Variants in RPTOR observed in about 807,000 individuals in gnomAD.
RPTOR encodes the protein regulatory-associated protein of mTOR.
Under a neutral mutation model 169.9 loss-of-function variants are expected in RPTOR, and 21 were observed. That is an observed-to-expected ratio of 0.12 (90% CI 0.09 to 0.18). The LOEUF is 0.18. RPTOR is among the 10% of genes least tolerant of loss of function. The pLI is 1.00. For synonymous variants in RPTOR, 732 were observed against 753.2 expected (o/e 0.97, Z 0.46); for missense variants, 1,133 against 1,855.9 (o/e 0.61, Z 7.16).
intron 3 of RPTOR, among the ~76,000 whole-genome samples, chr17:80,653,064 A>T (rs1359305087): frequency 6.6e-6 from 1 of 152,022 alleles, no homozygotes; most frequent in East Asian, 1.9e-4. Flanking sequence ...TCCTTTGTCC[A>T]TTTTTTAGTT....
intron 1 of RPTOR, among the ~76,000 whole-genome samples, chr17:80,615,053 T>C (rs1019936086): frequency 6.6e-6 from 1 of 152,226 alleles, no homozygotes; most frequent in East Asian, 1.9e-4. Flanking sequence ...TAAGCCATCA[T>C]TCTTACGTAG....
At chr17:80,669,739 C>G (rs899797773) in intron 3 of RPTOR, among the ~76,000 whole-genome samples, 1 of 152,262 alleles carries the variant, frequency 6.6e-6, no homozygotes. Context: ...CTGGTGACCC[C>G]CAGACCTCTC....
intron 6 of RPTOR, among the ~76,000 whole-genome samples, chr17:80,784,058 C>A (rs906798100): frequency 1.3e-4 from 20 of 152,214 alleles, no homozygotes; most frequent in African/African-American, 4.6e-4. Flanking sequence ...CTCACTGCAG[C>A]CTTAACCTCC....
chr17:80,961,016 C>T (rs1267527945), intron 30 of RPTOR: 1 of 273,602 alleles, frequency 3.7e-6, no homozygotes, highest in East Asian at 7.2e-5. Flanking sequence ...CCAGTCTGCA[C>T]AGATCGGGGA....
chr17:80,791,655 G>T, intron 7 of RPTOR, 146 bp downstream of exon 7: 1 of 701,134 alleles, frequency 1.4e-6, no homozygotes, highest in Non-Finnish European at 2.3e-6. Context: ...TCTGATTAAG[G>T]CTGTGTTTGT....
chr17:80,957,606 C>A lies in RPTOR; in HGVS notation c.3371-18C>A. ...AAGGGCCCATGGGGTGATGCCATGT[C>A]CCACTGTATCTCTCCAGGAGCTGGG... On this transcript the variant is annotated intron_variant, in intron 28 of 33. Transcript: ENST00000306801. This position sits in a 1 kb window ranked among gnomAD's most constrained non-coding sequence, Gnocchi z 4.6. 1 of 1,610,240 alleles carries A rather than the reference C, an allele frequency of 6.2e-7. No individual in the cohort carries two copies. The highest frequency in any genetic ancestry group is 8.5e-7 in the Non-Finnish European group (1 of 1,176,542).
At chr17:80,832,829 G>A (rs1404896543) in intron 9 of RPTOR, among the ~76,000 whole-genome samples, 3 of 152,178 alleles carry the variant, frequency 2.0e-5, no homozygotes, top group East Asian at 1.9e-4. Flanking sequence ...AATAAATAAT[G>A]TACAATCTAG....
At chr17:80,572,968 A>G (rs527557279) in intron 1 of RPTOR, among the ~76,000 whole-genome samples, 2 of 152,200 alleles carry the variant, frequency 1.3e-5, no homozygotes, top group South Asian at 2.1e-4. Context: ...TAAGTTTTGT[A>G]TAAACTTTGT....
chr17:80,890,476 G>A (rs922816980), intron 17 of RPTOR, among the ~76,000 whole-genome samples: 1 of 152,068 alleles, frequency 6.6e-6, no homozygotes, highest in Non-Finnish European at 1.5e-5. Context: ...CGCCAGAACC[G>A]GGGCGTGGGC....
intron 6 of RPTOR, among the ~76,000 whole-genome samples, chr17:80,782,661 G>C (rs182042809): frequency 3.9e-5 from 6 of 152,264 alleles, no homozygotes; most frequent in Admixed American, 2.6e-4. Flanking sequence ...TACTGAATTA[G>C]AACCGAGCAG....
intron 10 of RPTOR, among the ~76,000 whole-genome samples, chr17:80,840,974 T>C (rs1430390385): frequency 2.9e-5 from 1 of 34,544 alleles, no homozygotes; most frequent in African/African-American, 2.7e-4. Flanking sequence ...GCACGGCAGC[T>C]CACATTCACC....
chr17:80,769,955 C>T (rs572532566), intron 6 of RPTOR, among the ~76,000 whole-genome samples: 21 of 152,214 alleles, frequency 1.4e-4, no homozygotes, highest in Admixed American at 7.8e-4. Flanking sequence ...GCCAGTCACA[C>T]GGGGGTCTCC....
intron 20 of RPTOR, among the ~76,000 whole-genome samples, chr17:80,904,181 G>T (rs985155688): frequency 7.2e-5 from 11 of 152,216 alleles, no homozygotes; most frequent in Non-Finnish European, 1.5e-4. Flanking sequence ...CGTGATTCTC[G>T]TAACAGCCAC....
chr17:80,924,923 C>T (rs2068792819), intron 23 of RPTOR, among the ~76,000 whole-genome samples: 1 of 152,246 alleles, frequency 6.6e-6, no homozygotes, highest in Non-Finnish European at 1.5e-5. Flanking sequence ...TCCAGCCGGC[C>T]TGCAAAGCTG....
intron 17 of RPTOR, among the ~76,000 whole-genome samples, chr17:80,885,372 C>G (rs930420240): frequency 6.6e-6 from 1 of 152,222 alleles, no homozygotes; most frequent in African/African-American, 2.4e-5. Context: ...CTGCGCCTCC[C>G]GGCAGCTTGT....
intron 21 of RPTOR, among the ~76,000 whole-genome samples, chr17:80,912,804 G>A (rs545905139): frequency 6.6e-6 from 1 of 152,284 alleles, no homozygotes; most frequent in African/African-American, 2.4e-5. Context: ...CTATCCGATT[G>A]AGACCCAGAA....
chr17:80,643,982 T>C (rs1276674390), intron 3 of RPTOR, among the ~76,000 whole-genome samples, 172 bp downstream of exon 3: 1 of 152,258 alleles, frequency 6.6e-6, no homozygotes, highest in Non-Finnish European at 1.5e-5. Context: ...TGGCTATTGG[T>C]GGCTGTGTTG....
At chr17:80,765,225 C>CG (rs2066774191) in intron 6 of RPTOR, among the ~76,000 whole-genome samples, 2 of 152,086 alleles carry the variant, frequency 1.3e-5, no homozygotes, top group African/African-American at 2.4e-5. Context: ...GCGTCCAGGG[C>CG]CTCTGAACAC....
chr17:80,745,197 C>T (rs1449726860), intron 5 of RPTOR, among the ~76,000 whole-genome samples: 5 of 152,178 alleles, frequency 3.3e-5, no homozygotes, highest in Non-Finnish European at 7.4e-5. Flanking sequence ...TCTAATTGAC[C>T]ATCTTCACAG....
Sources: gnomAD v4.1 joint callset for allele counts (sites outside exome capture counted in the v4.1 genomes callset) on GRCh38, gnomAD v4.1.1 for gene constraint, Gnocchi (gnomAD v3.1) non-coding constraint, MANE v1.5 for transcripts, NCBI Gene and HGNC (gene_info 2026-07-23, HGNC 2026-07-21) for gene names.